ITGA3: variants seen among roughly 807,000 people sequenced by gnomAD.
The protein encoded by ITGA3 is integrin subunit alpha 3, also known as integrin alpha-3.
A neutral mutation model predicts 131.1 loss-of-function variants in ITGA3; 70 were observed. The ratio of observed to expected loss-of-function variants is 0.53; its 90% CI spans 0.44 to 0.65. The LOEUF is 0.65. Ranked by LOEUF, ITGA3 falls within the 30% of genes least tolerant of loss-of-function variation. The pLI, the probability that ITGA3 is intolerant of heterozygous loss-of-function variation, is 0.00. For missense variants in ITGA3, 1,098 were observed against 1,388.6 expected (o/e 0.79, Z 3.33); for synonymous variants, 537 against 571.6 (o/e 0.94, Z 0.86).
intron 15 of ITGA3, 53 bp from the exon 16 acceptor site, chr17:50,077,326 A>G (rs1908962682): frequency 1.3e-6 from 2 of 1,502,230 alleles, no homozygotes; most frequent in African/African-American, 1.4e-5. Context: ...CAGAGGAGGG[A>G]GGACAAGCCC....
rs553825642 is a variant in ITGA3, at chr17:50,071,844, A to G, written c.960-142A>G. ...GCATCTCCATGTCCTTCCCATGCAC[A>G]TGTCCTTCCCACCCATGACCTGTGG... On this transcript the variant is annotated intron_variant, in intron 6 of 25. Coordinates refer to ENST00000320031, the MANE Select transcript of ITGA3 (RefSeq NM_002204.4). 5.4e-5 allele frequency: 39 copies of G among 715,930 alleles called. No individual in the cohort carries two copies. In the East Asian group the frequency reaches 7.8e-4, roughly 14 times the overall value. The allele number at this position is 715,930 out of a possible 1,614,324, so 44.3% of individuals were successfully genotyped here. A position where few individuals can be genotyped will look rare whatever the true frequency, so the allele number is the denominator to read the frequency against.
chr17:50,056,628 G>A lies in ITGA3; in HGVS notation c.189G>A (p.Glu63=). 1 of 1,601,774 alleles carries A rather than the reference G, an allele frequency of 6.2e-7. No individual in the cohort carries two copies. The change falls in exon 1 of 26, where the codon GAG becomes GAA. Residue 63 remains glutamate (E), a synonymous_variant. Coordinates refer to ENST00000320031, the MANE Select transcript of ITGA3 (RefSeq NM_002204.4). This position sits in a 1 kb window ranked among gnomAD's most constrained non-coding sequence, Gnocchi z 5.6. ...GYSVALHRQT[E]RQQRYLLLAG... is the part of the protein sequence containing the mutation. ...CGGTCGCCCTCCATCGGCAGACAGA[G>A]CGGCAGCAGCGCTACCTGTAAGTGA... is the stretch of plus-strand genomic sequence containing the variant.
At chr17:50,076,540 C>CT (rs1555555517) in intron 13 of ITGA3, 44 bp from the exon 14 acceptor site, 6 of 1,593,512 alleles carry the variant, frequency 3.8e-6, no homozygotes, top group Admixed American at 1.7e-5. Flanking sequence ...CGAGAGGGCA[C>CT]TGGGGGGGGT....
chr17:50,072,757 A>G (rs953177737), intron 7 of ITGA3, among the ~76,000 whole-genome samples: 2 of 152,088 alleles, frequency 1.3e-5, no homozygotes, highest in African/African-American at 4.8e-5. Flanking sequence ...GGGAGTTAAG[A>G]TCAAGAATGT....
chr17:50,077,166 C>T (rs1452339836), intron 15 of ITGA3, 45 bp downstream of exon 15: 1 of 1,499,558 alleles, frequency 6.7e-7, no homozygotes, highest in South Asian at 1.3e-5. Flanking sequence ...GGGCTCCCCG[C>T]GTCTTTGCAT....
chr17:50,078,376 C>A, intron 18 of ITGA3, 92 bp downstream of exon 18: 1 of 1,005,398 alleles, frequency 9.9e-7, no homozygotes, highest in South Asian at 1.4e-5. Flanking sequence ...TCCTCTGACC[C>A]CTCTCTTGGC....
intron 14 of ITGA3, 85 bp downstream of exon 14, chr17:50,076,766 G>A: frequency 3.0e-6 from 4 of 1,313,186 alleles, no homozygotes; most frequent in Non-Finnish European, 4.4e-6. Context: ...GGGCCTCATG[G>A]CAAGGCGAGC....
chr17:50,070,038 G>C (rs1388079215), intron 4 of ITGA3, among the ~76,000 whole-genome samples: 1 of 152,170 alleles, frequency 6.6e-6, no homozygotes, highest in African/African-American at 2.4e-5. Context: ...CCCCTCTTCT[G>C]GTCCTGCCTC....
chr17:50,056,123 A>C lies in ITGA3; in HGVS notation c.-317A>C. ...GGTGCGCTTGCCAGATCCGCCGCGA[A>C]GCCGGGATCGAAGGCGACAGCGCGG... is the stretch of plus-strand genomic sequence containing the variant. On this transcript the variant is annotated 5_prime_UTR_variant, in exon 1 of 26. Coordinates refer to ENST00000320031, the MANE Select transcript of ITGA3 (RefSeq NM_002204.4). The surrounding 1 kb of genome is among the most constrained non-coding windows in gnomAD (Gnocchi z 5.6). The C allele has an allele frequency of 3.3e-6, 1 of 299,142 alleles. No individual in the cohort carries two copies. Among genetic ancestry groups the C allele is most frequent in the Non-Finnish European group, 6.1e-6 (1 of 162,964 alleles). 18.5% of individuals were successfully genotyped at this position (299,142 alleles called of 1,614,324 possible).
intron 23 of ITGA3, among the ~76,000 whole-genome samples, chr17:50,085,492 C>T (rs1328740119): frequency 1.3e-5 from 2 of 151,554 alleles, no homozygotes; most frequent in Admixed American, 6.6e-5. Flanking sequence ...TGGTGAAACC[C>T]GTCTCTAGTA....
chr17:50,087,647 G>C, intron 23 of ITGA3, 97 bp from the exon 24 acceptor site: 1 of 1,407,408 alleles, frequency 7.1e-7, no homozygotes, highest in South Asian at 1.3e-5. Context: ...CTGGCAGCAG[G>C]ACAAACAGCA....
intron 1 of ITGA3, among the ~76,000 whole-genome samples, chr17:50,057,051 A>G (rs566857953): frequency 1.3e-5 from 2 of 152,304 alleles, no homozygotes; most frequent in African/African-American, 4.8e-5. Context: ...AAAAATGAGC[A>G]TATACATTTA....
intron 1 of ITGA3, among the ~76,000 whole-genome samples, chr17:50,060,521 G>A (rs1008128179): frequency 2.6e-5 from 4 of 152,304 alleles, no homozygotes; most frequent in African/African-American, 9.6e-5. Flanking sequence ...GGGTAAGGAA[G>A]GGCTTTTTCG....
At chr17:50,088,004 C>T in intron 24 of ITGA3, 135 bp downstream of exon 24, 5 of 1,333,716 alleles carry the variant, frequency 3.7e-6, no homozygotes, top group Non-Finnish European at 5.0e-6. Context: ...TCTCCACCTT[C>T]TACCACCAGC....
chr17:50,077,480 G>A, intron 16 of ITGA3, 33 bp downstream of exon 16: 3 of 1,555,930 alleles, frequency 1.9e-6, no homozygotes, highest in Non-Finnish European at 2.7e-6. Context: ...CAGTCCTCCT[G>A]GGTCCCTGGC....
chr17:50,073,673 G>A (rs1217248428), intron 7 of ITGA3, among the ~76,000 whole-genome samples: 2 of 151,616 alleles, frequency 1.3e-5, no homozygotes, highest in Non-Finnish European at 2.9e-5. Context: ...CAACTGTCTG[G>A]TAGAGTCACT....
intron 5 of ITGA3, 147 bp downstream of exon 5, chr17:50,071,077 C>A: frequency 1.4e-6 from 1 of 720,580 alleles, no homozygotes; most frequent in East Asian, 2.5e-5. Context: ...ATGCCAGGCC[C>A]TGTTCCAAGC....
chr17:50,068,160 C>T lies in ITGA3; in HGVS notation c.519C>T (p.Ser173=). Reference sequence around the variant, plus strand: ...GAGGCAATGACCTAGAGCTGGACTCCAGTGATGACTGGCAGACCTACCACA... The same window carrying T: ...GAGGCAATGACCTAGAGCTGGACTCTAGTGATGACTGGCAGACCTACCACA... ...YVRGNDLELD[S]SDDWQTYHNE... is the part of the protein sequence containing the mutation. Residue 173 remains serine (S), a synonymous_variant, in exon 4 of 26, where the codon TCC becomes TCT. Transcript: ENST00000320031. 1 of 1,614,204 alleles carries T rather than the reference C, an allele frequency of 6.2e-7. No homozygotes were observed. Among genetic ancestry groups the T allele is most frequent in the Non-Finnish European group, 8.5e-7 (1 of 1,180,042 alleles).
intron 19 of ITGA3, 74 bp from the exon 20 acceptor site, chr17:50,079,002 G>A (rs896580805): frequency 2.6e-6 from 4 of 1,512,194 alleles, no homozygotes; most frequent in Non-Finnish European, 3.7e-6. Flanking sequence ...GTCTGAAGGT[G>A]GGAGGGTTGG....
Sources: allele counts gnomAD v4.1 joint callset (sites outside exome capture counted in the v4.1 genomes callset), GRCh38; gene constraint gnomAD v4.1.1; non-coding constraint Gnocchi (gnomAD v3.1); transcripts MANE v1.5; gene names NCBI Gene and HGNC (gene_info 2026-07-23, HGNC 2026-07-21).